ERBB4: variants seen among roughly 807,000 people sequenced by gnomAD.
The protein encoded by ERBB4 is receptor tyrosine-protein kinase erbB-4.
In ERBB4, 42 loss-of-function variants were observed where a neutral mutation model predicts 158.0. The ratio of observed to expected loss-of-function variants is 0.27; its 90% CI spans 0.21 to 0.34. The LOEUF is 0.34. Among genes scored for constraint, ERBB4 ranks in the 10% least tolerant of loss-of-function variants. The probability of loss-of-function intolerance (pLI) is 1.00; values close to 1 mark genes in which losing one functional copy is unlikely to be tolerated. For synonymous variants in ERBB4, 583 were observed against 558.7 expected (o/e 1.04, Z -0.61); for missense variants, 1,333 against 1,624.1 (o/e 0.82, Z 3.08).
chr2:212,272,474 G>C (rs1397410048), intron 1 of ERBB4, among the ~76,000 whole-genome samples: 1 of 151,774 alleles, frequency 6.6e-6, no homozygotes, highest in East Asian at 1.9e-4. Context: ...CAGGCCCAGA[G>C]AAGGGGGTTC....
intron 2 of ERBB4, among the ~76,000 whole-genome samples, chr2:212,023,734 A>G (rs2076710190): frequency 6.6e-6 from 1 of 151,928 alleles, no homozygotes; most frequent in Admixed American, 6.6e-5. Context: ...AAAAGAAAAC[A>G]ATTTTATTGC....
chr2:211,571,476 G>T (rs1574776617), intron 19 of ERBB4, among the ~76,000 whole-genome samples: 1 of 151,960 alleles, frequency 6.6e-6, no homozygotes, highest in Non-Finnish European at 1.5e-5. Context: ...AAGTATCTGT[G>T]CCCTTCCAAA....
chr2:211,645,930 C>A (rs1016809894), intron 16 of ERBB4, among the ~76,000 whole-genome samples: 1 of 151,452 alleles, frequency 6.6e-6, no homozygotes, highest in Non-Finnish European at 1.5e-5. Flanking sequence ...CAGATACACA[C>A]ACATATATAT....
chr2:211,399,538 TCTGA>T (rs1256692627), intron 25 of ERBB4, among the ~76,000 whole-genome samples: 3 of 152,240 alleles, frequency 2.0e-5, no homozygotes, highest in Admixed American at 6.5e-5. Flanking sequence ...GATGCAATTA[TCTGA>T]CTATTATATC....
At chr2:211,668,838 A>G (rs986206570) in intron 14 of ERBB4, among the ~76,000 whole-genome samples, 1 of 152,140 alleles carries the variant, frequency 6.6e-6, no homozygotes, top group Admixed American at 6.5e-5. Flanking sequence ...CCCATGTAGA[A>G]GTGGAAGTGC....
chr2:212,123,561 A>G (rs1208970543), intron 2 of ERBB4, among the ~76,000 whole-genome samples: 1 of 152,232 alleles, frequency 6.6e-6, no homozygotes, highest in African/African-American at 2.4e-5. Context: ...TAACTTACAG[A>G]AACAGAGCTC....
At chr2:212,102,578 A>C (rs997595528) in intron 2 of ERBB4, among the ~76,000 whole-genome samples, 1 of 152,160 alleles carries the variant, frequency 6.6e-6, no homozygotes, top group Non-Finnish European at 1.5e-5. Flanking sequence ...TTTTTTAAAC[A>C]ATAGACATGG....
At chr2:211,861,350 GTTT>G (rs67133944) in intron 3 of ERBB4, among the ~76,000 whole-genome samples, 10 of 88,968 alleles carry the variant, frequency 1.1e-4, no homozygotes, top group African/African-American at 2.9e-4. Flanking sequence ...TTTTTTTTTT[GTTT>G]TTTTTTTTTT....
At chr2:212,368,670 ATC>A (rs1158556789) in intron 1 of ERBB4, among the ~76,000 whole-genome samples, 1 of 152,070 alleles carries the variant, frequency 6.6e-6, no homozygotes, top group Non-Finnish European at 1.5e-5. Context: ...ATTTCTCTGA[ATC>A]TGTTTCTTCC....
chr2:212,093,594 G>A (rs2078842114), intron 2 of ERBB4, among the ~76,000 whole-genome samples: 1 of 152,126 alleles, frequency 6.6e-6, no homozygotes, highest in Non-Finnish European at 1.5e-5. Flanking sequence ...TTAAATCTTG[G>A]CTCTGCCATT....
chr2:212,306,984 C>G (rs1004526365), intron 1 of ERBB4, among the ~76,000 whole-genome samples: 1 of 151,202 alleles, frequency 6.6e-6, no homozygotes, highest in South Asian at 2.1e-4. Flanking sequence ...TCCTGAAATA[C>G]TTCCAAAAAC....
chr2:212,041,128 CAAAAAACAA>C (rs879374320), intron 2 of ERBB4, among the ~76,000 whole-genome samples: 1 of 151,224 alleles, frequency 6.6e-6, no homozygotes. Context: ...TGATCAATAA[CAAAAAACAA>C]AAAAAACAAA....
chr2:212,134,273 A>G (rs1204071777), intron 1 of ERBB4, among the ~76,000 whole-genome samples: 1 of 152,148 alleles, frequency 6.6e-6, no homozygotes. Flanking sequence ...TGAATCATAT[A>G]CAATGATCAT....
intron 17 of ERBB4, among the ~76,000 whole-genome samples, chr2:211,628,750 CT>C (rs1401020359): frequency 1.3e-5 from 2 of 152,202 alleles, no homozygotes; most frequent in Non-Finnish European, 2.9e-5. Flanking sequence ...ACCACACTGA[CT>C]TCCACAATGG....
At chr2:211,913,053 A>C (rs182681969) in intron 3 of ERBB4, among the ~76,000 whole-genome samples, 1 of 152,178 alleles carries the variant, frequency 6.6e-6, no homozygotes, top group Non-Finnish European at 1.5e-5. Flanking sequence ...AAGCTTCTGT[A>C]CCTCATAAGG....
At chr2:212,431,464 C>G (rs1425949576) in intron 1 of ERBB4, among the ~76,000 whole-genome samples, 1 of 152,044 alleles carries the variant, frequency 6.6e-6, no homozygotes, top group Non-Finnish European at 1.5e-5. Flanking sequence ...TGCTTCTACT[C>G]TGGATAAAGT....
intron 3 of ERBB4, among the ~76,000 whole-genome samples, chr2:211,880,741 G>T (rs2078639661): frequency 6.6e-6 from 1 of 151,970 alleles, no homozygotes; most frequent in Non-Finnish European, 1.5e-5. Context: ...AATCATTGAT[G>T]CTTTACAAAA....
At chr2:212,026,466 T>C (rs1232103167) in intron 2 of ERBB4, among the ~76,000 whole-genome samples, 3 of 151,940 alleles carry the variant, frequency 2.0e-5, no homozygotes, top group Admixed American at 1.3e-4. Flanking sequence ...TATGAACAAA[T>C]TCGTCACTCA....
intron 1 of ERBB4, among the ~76,000 whole-genome samples, chr2:212,430,020 G>C (rs955550022): frequency 2.6e-5 from 4 of 152,120 alleles, no homozygotes; most frequent in Non-Finnish European, 5.9e-5. Context: ...ATGAAATGAA[G>C]ATGAGAGAAC....
Sources: allele counts gnomAD v4.1 joint callset (sites outside exome capture counted in the v4.1 genomes callset), GRCh38; gene constraint gnomAD v4.1.1; transcripts MANE v1.5; gene names NCBI Gene and HGNC (gene_info 2026-07-23, HGNC 2026-07-21).